The following PTPRG variants were observed in gnomAD, a reference collection of about 807,000 sequenced individuals.
PTPRG encodes the protein receptor-type tyrosine-protein phosphatase gamma.
In PTPRG, 102 loss-of-function variants were observed where a neutral mutation model predicts 165.3. The observed-to-expected ratio is 0.62, with a 90% CI of 0.53 to 0.73. The LOEUF (loss-of-function observed/expected upper bound fraction) is 0.73, where lower values mean the gene tolerates loss of function less well. PTPRG is among the 30% of genes least tolerant of loss of function. The pLI is 0.00. For synonymous variants in PTPRG, 675 were observed against 669.5 expected, an observed-to-expected ratio of 1.01 and a Z score of -0.13; for missense variants, 1,866 against 1,861.4, an observed-to-expected ratio of 1.00 and a Z score of -0.05.
rs3046596 is a variant in PTPRG at position 62,265,847 on chromosome 3, TACACACACACAC to T, written c.2657-1546_2657-1535del. 8.6e-4 allele frequency among the ~76,000 whole-genome samples: 109 copies of T among 126,848 alleles called. 1 individual carries two copies. Among genetic ancestry groups the T allele is most frequent in the Non-Finnish European group, 1.4e-3 (83 of 59,470 alleles). The allele number at this position is 126,848 out of a possible 152,430, so 83.2% of individuals were successfully genotyped here. A position where few individuals can be genotyped will look rare whatever the true frequency, so the allele number is the denominator to read the frequency against. ...TGTGCCTTATATATACATACATACA[TACACACACACAC>T]ACACACACACACACACGTATACATC... On this transcript the variant is annotated intron_variant, in intron 17 of 29. Coordinates refer to ENST00000474889, the MANE Select transcript of PTPRG (RefSeq NM_002841.4).
chr3:61,853,454 A>C (rs984432511), intron 2 of PTPRG, among the ~76,000 whole-genome samples: 1 of 152,294 alleles, frequency 6.6e-6, no homozygotes, highest in South Asian at 2.1e-4. Flanking sequence ...ACGCTGGGGA[A>C]GAACTGAGGC....
intron 2 of PTPRG, among the ~76,000 whole-genome samples, chr3:61,820,167 A>C (rs544339551): frequency 3.3e-5 from 5 of 152,132 alleles, no homozygotes; most frequent in Non-Finnish European, 7.3e-5. Flanking sequence ...ATTATAAGGA[A>C]TTGGTGTGAC....
At chr3:61,850,457 A>G (rs1575720919) in intron 2 of PTPRG, among the ~76,000 whole-genome samples, 1 of 152,166 alleles carries the variant, frequency 6.6e-6, no homozygotes, top group African/African-American at 2.4e-5. Context: ...CGCTGTGCCC[A>G]ATCCTTGTTC....
intron 2 of PTPRG, among the ~76,000 whole-genome samples, chr3:61,785,943 C>G (rs1385363351): frequency 6.6e-6 from 1 of 152,128 alleles, no homozygotes; most frequent in Admixed American, 6.5e-5. Flanking sequence ...TCCTATACTT[C>G]CCTGGGCCTG....
chr3:61,927,925 G>A (rs1442794749), intron 2 of PTPRG, among the ~76,000 whole-genome samples: 6 of 152,080 alleles, frequency 3.9e-5, no homozygotes, highest in African/African-American at 1.2e-4. Flanking sequence ...GTATACGTGC[G>A]TTCAAAGAGG....
chr3:61,928,874 G>T (rs1334859823), intron 2 of PTPRG, among the ~76,000 whole-genome samples: 1 of 152,128 alleles, frequency 6.6e-6, no homozygotes, highest in African/African-American at 2.4e-5. Context: ...TCATACAGTG[G>T]TTCTCAACTA....
intron 3 of PTPRG, among the ~76,000 whole-genome samples, chr3:61,993,882 C>T (rs911411769): frequency 1.3e-5 from 2 of 152,030 alleles, no homozygotes; most frequent in Non-Finnish European, 2.9e-5. Flanking sequence ...TTAAAGCGGC[C>T]TATTACATAC....
intron 1 of PTPRG, among the ~76,000 whole-genome samples, chr3:61,587,932 T>TTCAGG (rs1329170845): frequency 2.0e-5 from 3 of 150,124 alleles, no homozygotes; most frequent in African/African-American, 7.3e-5. Context: ...GTGTTGGAAT[T>TTCAGG]CCAGGCATGA....
In PTPRG at chr3:61,871,163, G is replaced by GTGTTATGTTATGTTA. The variant is rs201503322; in HGVS notation, c.191-118406_191-118392dup. 9.8e-4 allele frequency among the ~76,000 whole-genome samples: 114 copies of GTGTTATGTTATGTTA among 116,658 alleles called. 1 individual carries two copies. The highest frequency in any genetic ancestry group is 2.1e-3 in the South Asian group (7 of 3,330). 76.5% of individuals were successfully genotyped at this position (116,658 alleles called of 152,430 possible). ...GTGTTGTGTTGTGTTGTGTTGTGTT[G>GTGTTATGTTATGTTA]TGTTATGTTATGTTATGTTATGTTA... On this transcript the variant is annotated intron_variant, in intron 2 of 29. Coordinates refer to ENST00000474889, the MANE Select transcript of PTPRG (RefSeq NM_002841.4).
chr3:61,777,213 A>T (rs1193974670), intron 2 of PTPRG, among the ~76,000 whole-genome samples: 1 of 152,232 alleles, frequency 6.6e-6, no homozygotes, highest in Non-Finnish European at 1.5e-5. Flanking sequence ...TTCTACAATG[A>T]TGGCAATGTT....
intron 8 of PTPRG, among the ~76,000 whole-genome samples, chr3:62,178,825 T>A (rs983853488): frequency 1.3e-5 from 2 of 152,246 alleles, no homozygotes; most frequent in Admixed American, 6.5e-5. Context: ...CTTTGCTCAC[T>A]AGAAAAATCT....
At chr3:61,997,493 T>C (rs1322798256) in intron 3 of PTPRG, among the ~76,000 whole-genome samples, 1 of 152,140 alleles carries the variant, frequency 6.6e-6, no homozygotes, top group East Asian at 1.9e-4. Context: ...ACAGGGCCAT[T>C]GATTCTTTCT....
chr3:61,986,956 T>C (rs2040777826), intron 2 of PTPRG, among the ~76,000 whole-genome samples: 1 of 152,164 alleles, frequency 6.6e-6, no homozygotes, highest in African/African-American at 2.4e-5. Flanking sequence ...TTTATTCAAA[T>C]TTGTGAAAAA....
At chr3:62,103,340 G>A (rs529111560) in intron 5 of PTPRG, among the ~76,000 whole-genome samples, 96 of 147,802 alleles carry the variant, frequency 6.5e-4, no homozygotes, top group Admixed American at 1.2e-3. Context: ...ACCCTCACCA[G>A]CTCCCCACCA....
chr3:61,947,472 T>A (rs189255422), intron 2 of PTPRG, among the ~76,000 whole-genome samples: 1 of 152,272 alleles, frequency 6.6e-6, no homozygotes, highest in East Asian at 1.9e-4. Context: ...TGAAGGAATG[T>A]CAGTGATATA....
intron 13 of PTPRG, among the ~76,000 whole-genome samples, chr3:62,227,965 T>A (rs1302595506): frequency 6.6e-6 from 1 of 152,226 alleles, no homozygotes; most frequent in South Asian, 2.1e-4. Context: ...CTTGTGTCCG[T>A]TGGTGGCTGG....
At chr3:61,860,673 A>G (rs1026055175) in intron 2 of PTPRG, among the ~76,000 whole-genome samples, 1 of 151,716 alleles carries the variant, frequency 6.6e-6, no homozygotes, top group African/African-American at 2.4e-5. Context: ...CGAACTCCTG[A>G]CCTCAAGTGA....
intron 6 of PTPRG, among the ~76,000 whole-genome samples, chr3:62,134,792 G>C (rs1005766184): frequency 2.6e-5 from 4 of 152,168 alleles, no homozygotes; most frequent in African/African-American, 9.7e-5. Context: ...CAGTATGTTA[G>C]TCAAATGACT....
intron 1 of PTPRG, among the ~76,000 whole-genome samples, chr3:61,581,440 G>C (rs7640434): frequency 0.17 from 26,309 of 151,940 alleles, 2,811 homozygotes; most frequent in African/African-American, 0.3. Context: ...TTAGTTCCCT[G>C]ACTCTGCATT....
Sources: gnomAD v4.1 joint callset for allele counts (sites outside exome capture counted in the v4.1 genomes callset) on GRCh38, gnomAD v4.1.1 for gene constraint, MANE v1.5 for transcripts, NCBI Gene and HGNC (gene_info 2026-07-23, HGNC 2026-07-21) for gene names.